The following ZFPM1 variants were observed in gnomAD, a reference collection of about 807,000 sequenced individuals.
ZFPM1 encodes the protein zinc finger protein ZFPM1.
A neutral mutation model predicts 46.3 loss-of-function variants in ZFPM1; 28 were observed. The observed-to-expected ratio is 0.60, with a 90% CI of 0.45 to 0.83. ZFPM1 has a LOEUF of 0.83. Ranked by LOEUF, ZFPM1 falls within the 40% of genes least tolerant of loss-of-function variation. The pLI is 0.00. For synonymous variants in ZFPM1, 957 were observed against 675.9 expected, an observed-to-expected ratio of 1.42 and a Z score of -6.45; for missense variants, 1,878 against 1,432.4, an observed-to-expected ratio of 1.31 and a Z score of -5.02.
intron 4 of ZFPM1, among the ~76,000 whole-genome samples, chr16:88,519,581 AGGGT>A (rs1490600080): frequency 8.8e-6 from 1 of 113,560 alleles, no homozygotes; most frequent in Admixed American, 8.6e-5. Context: ...GATGAATGGG[AGGGT>A]GGGTGGATGG....
Position 88,492,302 on chromosome 16 carries a change from A to T in ZFPM1, c.268+3149A>T, listed in dbSNP as rs558730689. Among the ~76,000 whole-genome samples the T allele has an allele frequency of 2.8e-3, 425 of 151,644 alleles. 10 individuals carry two copies. Among genetic ancestry groups the T allele is most frequent in the Middle Eastern group, 0.014 (4 of 294 alleles). On this transcript the variant is annotated intron_variant, in intron 3 of 9. Coordinates refer to ENST00000319555, the MANE Select transcript of ZFPM1 (RefSeq NM_153813.3). ...CCACAGCTGCTCCCCACCCCACCCA[A>T]TCCCAAGGGTGGGAAACAGTGCAGG...
chr16:88,467,602 G>A (rs1177698720), intron 1 of ZFPM1, among the ~76,000 whole-genome samples: 1 of 152,234 alleles, frequency 6.6e-6, no homozygotes, highest in Admixed American at 6.5e-5. Context: ...AGCTGCTCCT[G>A]TCATGCTGGG....
At chr16:88,460,946 C>CCAGGG (rs1907805408) in intron 1 of ZFPM1, among the ~76,000 whole-genome samples, 3 of 46,466 alleles carry the variant, frequency 6.5e-5, no homozygotes, top group Admixed American at 2.8e-4. Context: ...TGGTGATGAC[C>CCAGGG]GAGGGGCGGG....
intron 1 of ZFPM1, among the ~76,000 whole-genome samples, chr16:88,476,851 G>A (rs73257663): frequency 0.018 from 2,746 of 152,332 alleles, 74 homozygotes; most frequent in African/African-American, 0.061. Context: ...TTGAGGGCCC[G>A]AGATGGTCAG....
rs148844306 is a variant in ZFPM1, at chr16:88,492,535, G to A, written c.268+3382G>A. Among the ~76,000 whole-genome samples the A allele has an allele frequency of 4.3e-3, 655 of 152,356 alleles. 5 individuals are homozygous for A. Among genetic ancestry groups the A allele is most frequent in the African/African-American group, 0.015 (633 of 41,574 alleles). On this transcript the variant is annotated intron_variant, in intron 3 of 9. Transcript: ENST00000319555. ...TCTGTCCTGCATGTGGATGGGACCC[G>A]GTCACGCTGCAGAGCCCAGAGCCCA... is the stretch of plus-strand genomic sequence containing the variant.
At position 88,490,929 on chromosome 16, in the gene ZFPM1, C is replaced by T. The variant is rs557254592; in HGVS notation, c.268+1776C>T. 2.0e-4 allele frequency among the ~76,000 whole-genome samples: 31 copies of T among 152,320 alleles called. No homozygotes were observed. The South Asian group carries it at 2.5e-3, about 12-fold the overall frequency. Reference sequence around the variant, plus strand: ...TTCCAGGCGCCATGGTAGAAACTTGCTGGCTGCGTCCCTTCTCCTCAGGGA... The same window carrying T: ...TTCCAGGCGCCATGGTAGAAACTTGTTGGCTGCGTCCCTTCTCCTCAGGGA... On this transcript the variant is annotated intron_variant, in intron 3 of 9. Coordinates refer to ENST00000319555, the MANE Select transcript of ZFPM1 (RefSeq NM_153813.3).
At chr16:88,476,431 GC>G (rs1908690360) in intron 1 of ZFPM1, among the ~76,000 whole-genome samples, 1 of 152,136 alleles carries the variant, frequency 6.6e-6, no homozygotes, top group Non-Finnish European at 1.5e-5. Context: ...GGGAGAGAGG[GC>G]CGCCAAGTGG....
In ZFPM1 at chr16:88,497,256, C is replaced by T. The variant is rs540104028; in HGVS notation, c.268+8103C>T. 5.1e-4 allele frequency among the ~76,000 whole-genome samples: 77 copies of T among 149,724 alleles called. No individual in the cohort carries two copies. The highest frequency in any genetic ancestry group is 1.8e-3 in the African/African-American group (71 of 39,468). On this transcript the variant is annotated intron_variant, in intron 3 of 9. Coordinates refer to ENST00000319555, the MANE Select transcript of ZFPM1 (RefSeq NM_153813.3). The surrounding 1 kb of genome is among the most constrained non-coding windows in gnomAD (Gnocchi z 5.4). ...AGAGATGGGAGGGGCGGCAGGTGGA[C>T]GGCCCCAGCCCCAGCCCCAGCCCCA... is the stretch of plus-strand genomic sequence containing the variant.
At chr16:88,484,995 G>C (rs1909138385) in intron 1 of ZFPM1, among the ~76,000 whole-genome samples, 1 of 152,246 alleles carries the variant, frequency 6.6e-6, no homozygotes, top group South Asian at 2.1e-4. Context: ...GCAGACACCT[G>C]TGCCCTGCTT....
At chr16:88,520,533 G>A (rs1911756478) in intron 4 of ZFPM1, among the ~76,000 whole-genome samples, 1 of 149,752 alleles carries the variant, frequency 6.7e-6, no homozygotes, top group Non-Finnish European at 1.5e-5. Context: ...TGAATGAATG[G>A]GTGGGTGGCT....
chr16:88,514,271 C>A, intron 3 of ZFPM1, 116 bp from the exon 4 acceptor site: 1 of 1,477,690 alleles, frequency 6.8e-7, no homozygotes, highest in Non-Finnish European at 9.0e-7. Flanking sequence ...CCCTGCCATT[C>A]ACCCCAGGCC....
rs1024986850 is a variant in ZFPM1, at chr16:88,486,026, C to T, written c.128C>T (p.Pro43Leu). Residue 43 changes from proline to leucine, a missense_variant, in exon 2 of 10, where the codon CCG (proline) becomes CTG (leucine). Transcript: ENST00000319555. ...CAAAAGGCCACGGCACCTGAAGCCC[C>T]GAGCCCTCCCAGCGCAGGTGAGTCA... ...MEQKATAPEA[P>L]SPPSADVNSP... 11 of 1,612,098 alleles carry T rather than the reference C, an allele frequency of 6.8e-6. No individual in the cohort carries two copies. The highest frequency in any genetic ancestry group is 2.7e-5 in the African/African-American group (2 of 74,916).
rs928354718 is a variant in ZFPM1 at position 88,469,191 on chromosome 16, C to T, written c.40+15513C>T. On this transcript the variant is annotated intron_variant, in intron 1 of 9. Coordinates refer to ENST00000319555, the MANE Select transcript of ZFPM1 (RefSeq NM_153813.3). This position sits in a 1 kb window ranked among gnomAD's most constrained non-coding sequence, Gnocchi z 4.3. ...TGCAGGCTGCCCCCCACCGCTCCAC[C>T]CTCTCCCCGCGCTGACTTCCATCCG... Among the ~76,000 whole-genome samples, 14 of 152,226 alleles carry T rather than the reference C, an allele frequency of 9.2e-5. No homozygotes were observed. Among genetic ancestry groups the T allele is most frequent in the African/African-American group, 3.1e-4 (13 of 41,468 alleles).
intron 3 of ZFPM1, among the ~76,000 whole-genome samples, chr16:88,494,015 C>G (rs933035584): frequency 6.6e-6 from 1 of 152,168 alleles, no homozygotes; most frequent in African/African-American, 2.4e-5. Flanking sequence ...GTTTCCGCAT[C>G]TGTAAAATGG....
chr16:88,520,801 ATGGG>A (rs1408783669), intron 4 of ZFPM1, among the ~76,000 whole-genome samples: 2 of 67,096 alleles, frequency 3.0e-5, no homozygotes, highest in African/African-American at 6.3e-5. Context: ...GAATAGATGG[ATGGG>A]TGGGTGGATG....
Position 88,534,893 on chromosome 16 carries a change from T to G in ZFPM1, c.2935T>G (p.Cys979Gly). 1 of 1,563,906 alleles carries G rather than the reference T, an allele frequency of 6.4e-7. No homozygotes were observed. The highest frequency in any genetic ancestry group is 8.6e-7 in the Non-Finnish European group (1 of 1,158,856). ...CGGCAACCACCGGTACTGCCGTCTT[T>G]GCAACATCAAGTTCAGCAGCCTGTC... ...PNGNHRYCRL[C>G]NIKFSSLSTF... Residue 979 changes from cysteine to glycine, a missense_variant, in exon 10 of 10, where the codon TGC becomes GGC. Physicochemically the swap from Cys to Gly is radical, Grantham distance 159. Coordinates refer to ENST00000319555, the MANE Select transcript of ZFPM1 (RefSeq NM_153813.3).
In ZFPM1 at chr16:88,528,231, G is replaced by C. The variant is rs1481269700; in HGVS notation, c.705G>C (p.Val235=). The C allele has an allele frequency of 1.2e-6, 2 of 1,606,692 alleles. No homozygotes were observed. Among genetic ancestry groups the C allele is most frequent in the Non-Finnish European group, 1.7e-6 (2 of 1,177,186 alleles). ...TGGCCTCCATCCTTGCCACCGCAGT[G>C]ATCAACAGTAAGTGCTGGGCTCTCC... ...AGMASILATA[V]INKDVFPCKD... is the part of the protein sequence containing the mutation. Residue 235 remains valine (V), a synonymous_variant, in exon 6 of 10, where the codon GTG becomes GTC. Transcript: ENST00000319555.
intron 3 of ZFPM1, chr16:88,513,131 T>C (rs573611260): frequency 5.9e-5 from 9 of 152,108 alleles, no homozygotes; most frequent in Non-Finnish European, 1.0e-4. Context: ...GGCGGCCTAG[T>C]GGTCAGAGCC....
chr16:88,460,052 C>G (rs1011783124), intron 1 of ZFPM1, among the ~76,000 whole-genome samples: 3 of 151,994 alleles, frequency 2.0e-5, no homozygotes, highest in Admixed American at 2.0e-4. Flanking sequence ...CAGCGCATCC[C>G]GACTCCCCAG....
Sources: allele counts gnomAD v4.1 joint callset (sites outside exome capture counted in the v4.1 genomes callset), GRCh38; gene constraint gnomAD v4.1.1; non-coding constraint Gnocchi (gnomAD v3.1); transcripts MANE v1.5; gene names NCBI Gene and HGNC (gene_info 2026-07-23, HGNC 2026-07-21).